Variants in PDGFD observed in about 807,000 individuals in gnomAD.
PDGFD encodes the protein platelet-derived growth factor D.
A neutral mutation model predicts 44.7 loss-of-function variants in PDGFD; 30 were observed. The ratio of observed to expected loss-of-function variants is 0.67; its 90% CI spans 0.50 to 0.91. The LOEUF (loss-of-function observed/expected upper bound fraction) is 0.91. Among genes scored for constraint, PDGFD ranks in the 40% least tolerant of loss-of-function variants. The probability of loss-of-function intolerance (pLI) is 0.00; values close to 1 mark genes in which losing one functional copy is unlikely to be tolerated. For synonymous variants in PDGFD, 173 were observed against 168.4 expected, an observed-to-expected ratio of 1.03 and a Z score of -0.21; for missense variants, 445 against 457.8, an observed-to-expected ratio of 0.97 and a Z score of 0.25.
chr11:103,930,428 C>T (rs1304195388), intron 5 of PDGFD, among the ~76,000 whole-genome samples: 1 of 151,978 alleles, frequency 6.6e-6, no homozygotes, highest in Admixed American at 6.6e-5. Flanking sequence ...TTGATCCTGG[C>T]CATCTAGACT....
At chr11:104,154,767 A>G (rs578216947) in intron 1 of PDGFD, among the ~76,000 whole-genome samples, 4 of 152,226 alleles carry the variant, frequency 2.6e-5, no homozygotes, top group Admixed American at 6.5e-5. Context: ...AGAGCACAAC[A>G]TATTCAGACA....
chr11:103,976,304 G>A lies in PDGFD; in HGVS notation c.510+19761C>T, dbSNP rs138380044. On this transcript the variant is annotated intron_variant, in intron 3 of 6. Coordinates refer to ENST00000393158, the MANE Select transcript of PDGFD (RefSeq NM_025208.5). ...TTTCTCTTTGTAGCGATTGTGAATG[G>A]GAGTTCACTCATGATTTGGCTCTTT... Among the ~76,000 whole-genome samples, 738 of 152,102 alleles carry A rather than the reference G, an allele frequency of 4.9e-3. 54 individuals carry two copies. In the East Asian group the frequency reaches 0.12, roughly 24 times the overall value.
intron 6 of PDGFD, among the ~76,000 whole-genome samples, chr11:103,925,860 C>G (rs1858306244): frequency 1.3e-5 from 2 of 151,536 alleles, no homozygotes; most frequent in Admixed American, 1.3e-4. Context: ...TCCTGAGTAG[C>G]TGGGATTACA....
At chr11:104,156,565 T>C (rs1284080109) in intron 1 of PDGFD, among the ~76,000 whole-genome samples, 1 of 152,132 alleles carries the variant, frequency 6.6e-6, no homozygotes, top group African/African-American at 2.4e-5. Flanking sequence ...ATGCCTGGGC[T>C]ATGATGCTTC....
rs80175446 is a variant in PDGFD, at chr11:104,012,805, T to C, written c.125-12550A>G. 6.2e-3 allele frequency among the ~76,000 whole-genome samples: 946 copies of C among 152,332 alleles called. 15 individuals carry two copies. Among genetic ancestry groups the C allele is most frequent in the African/African-American group, 0.021 (889 of 41,578 alleles). On this transcript the variant is annotated intron_variant, in intron 1 of 6. Transcript: ENST00000393158. ...CTGGGAAAATGAACTTTTAGTACTG[T>C]AATATTTAGAGCTATGCAGGGGAAA...
At position 104,163,239 on chromosome 11, in the gene PDGFD, G is replaced by A. The variant is rs1862414670; in HGVS notation, c.124+565C>T. On this transcript the variant is annotated intron_variant, in intron 1 of 6. Coordinates refer to ENST00000393158, the MANE Select transcript of PDGFD (RefSeq NM_025208.5). ...TGAACTTCAATAGGAAAGTCACTTA[G>A]GGGACCTAAAGGGCAATAGGCTGCA... is the stretch of plus-strand genomic sequence containing the variant. Among the ~76,000 whole-genome samples the A allele has an allele frequency of 6.6e-5, 10 of 152,226 alleles. No homozygotes were observed. In the South Asian group the frequency reaches 2.1e-3, roughly 32 times the overall value.
intron 1 of PDGFD, among the ~76,000 whole-genome samples, chr11:104,112,890 T>C (rs1224434738): frequency 2.0e-5 from 3 of 151,090 alleles, no homozygotes; most frequent in Non-Finnish European, 4.4e-5. Flanking sequence ...GGTGGAAGGG[T>C]GGGAGAAGGG....
At chr11:104,119,386 TAATA>T (rs372363080) in intron 1 of PDGFD, among the ~76,000 whole-genome samples, 48 of 3,698 alleles carry the variant, frequency 0.013, 14 homozygotes, top group South Asian at 0.056. Context: ...ATATAATATA[TAATA>T]TGATATAATA....
chr11:103,939,452 T>G (rs1489484067), intron 5 of PDGFD, among the ~76,000 whole-genome samples: 3 of 152,182 alleles, frequency 2.0e-5, no homozygotes, highest in Non-Finnish European at 4.4e-5. Flanking sequence ...GAGGAGATTT[T>G]GGGCTGAGAT....
At chr11:104,052,576 C>A (rs772161506) in intron 1 of PDGFD, among the ~76,000 whole-genome samples, 2 of 152,046 alleles carry the variant, frequency 1.3e-5, no homozygotes, top group Non-Finnish European at 2.9e-5. Context: ...TAATGAATTG[C>A]GATAAGCATA....
chr11:103,945,052 G>C (rs1858648876), intron 4 of PDGFD, among the ~76,000 whole-genome samples: 1 of 152,092 alleles, frequency 6.6e-6, no homozygotes, highest in South Asian at 2.1e-4. Flanking sequence ...ATTACCTTAT[G>C]AGTCCACTCT....
chr11:103,922,082 T>C (rs1401506394), intron 6 of PDGFD, among the ~76,000 whole-genome samples: 6 of 151,950 alleles, frequency 3.9e-5, no homozygotes, highest in African/African-American at 1.5e-4. Flanking sequence ...GAAATTAACA[T>C]CTATCTTTAT....
intron 1 of PDGFD, among the ~76,000 whole-genome samples, chr11:104,129,633 T>G (rs913033174): frequency 6.6e-6 from 1 of 152,068 alleles, no homozygotes; most frequent in Non-Finnish European, 1.5e-5. Flanking sequence ...CCACCTGAGA[T>G]CCTCCTAAAG....
At chr11:104,022,255 T>C (rs547409386) in intron 1 of PDGFD, among the ~76,000 whole-genome samples, 38 of 152,296 alleles carry the variant, frequency 2.5e-4, no homozygotes, top group African/African-American at 8.7e-4. Flanking sequence ...TATTTCACAC[T>C]GTGGACTCAA....
At chr11:103,938,145 G>C (rs984825695) in intron 5 of PDGFD, among the ~76,000 whole-genome samples, 14 of 151,956 alleles carry the variant, frequency 9.2e-5, no homozygotes, top group African/African-American at 3.1e-4. Flanking sequence ...TTCCACAATG[G>C]TTGAACTAGT....
rs150067061 is a variant in PDGFD, at chr11:104,061,471, T to C, written c.125-61216A>G. Among the ~76,000 whole-genome samples the C allele has an allele frequency of 6.6e-3, 1,008 of 152,276 alleles. 8 individuals carry two copies. Among genetic ancestry groups the C allele is most frequent in the African/African-American group, 0.023 (939 of 41,550 alleles). Reference sequence around the variant, plus strand: ...GAGCGGGCAAAAAAGACTTAACAGATGCCCTAATTTTAAAAGCGATCAAAA... The same window carrying C: ...GAGCGGGCAAAAAAGACTTAACAGACGCCCTAATTTTAAAAGCGATCAAAA... On this transcript the variant is annotated intron_variant, in intron 1 of 6. Coordinates refer to ENST00000393158, the MANE Select transcript of PDGFD (RefSeq NM_025208.5).
At chr11:104,138,249 C>A (rs1294871315) in intron 1 of PDGFD, among the ~76,000 whole-genome samples, 1 of 152,102 alleles carries the variant, frequency 6.6e-6, no homozygotes, top group Non-Finnish European at 1.5e-5. Flanking sequence ...ACAACACATT[C>A]TAAATTATAC....
At chr11:103,985,142 A>AATATATTAATTTATTTAAT (rs1859342591) in intron 3 of PDGFD, among the ~76,000 whole-genome samples, 1 of 105,828 alleles carries the variant, frequency 9.4e-6, no homozygotes, top group Non-Finnish European at 2.0e-5. Flanking sequence ...TTTAATATAT[A>AATATATTAATTTATTTAAT]ATATATTAAT....
chr11:103,967,742 G>A (rs1001023753), intron 3 of PDGFD, among the ~76,000 whole-genome samples: 15 of 152,124 alleles, frequency 9.9e-5, no homozygotes, highest in African/African-American at 3.6e-4. Context: ...CCAATAAACT[G>A]TGTTGCCTTT....
Sources: gnomAD v4.1 joint callset for allele counts (sites outside exome capture counted in the v4.1 genomes callset) on GRCh38, gnomAD v4.1.1 for gene constraint, MANE v1.5 for transcripts, NCBI Gene and HGNC (gene_info 2026-07-23, HGNC 2026-07-21) for gene names.